The following ACIN1 variants were observed in gnomAD, a reference collection of about 807,000 sequenced individuals.
ACIN1 encodes apoptotic chromatin condensation inducer 1.
In ACIN1, 16 loss-of-function variants were observed where a neutral mutation model predicts 146.6. The ratio of observed to expected loss-of-function variants is 0.11; its 90% CI spans 0.07 to 0.17. ACIN1 has a LOEUF of 0.17. Ranked by LOEUF, ACIN1 falls within the 10% of genes least tolerant of loss-of-function variation. The pLI is 1.00. For missense variants in ACIN1, 1,357 were observed against 1,609.3 expected (o/e 0.84, Z 2.68); for synonymous variants, 569 against 582.7 (o/e 0.98, Z 0.34).
At chr14:23,062,903 T>C in intron 14 of ACIN1, 26 bp downstream of exon 14, 1 of 1,588,574 alleles carries the variant, frequency 6.3e-7, no homozygotes, top group Non-Finnish European at 8.6e-7. Flanking sequence ...CTAAGCAAGC[T>C]GGGATGGTGA....
chr14:23,079,166 C>T (rs1023484400), intron 6 of ACIN1, 128 bp from the exon 7 acceptor site: 4 of 976,834 alleles, frequency 4.1e-6, no homozygotes, highest in Non-Finnish European at 5.9e-6. Flanking sequence ...TGTTTACTCC[C>T]ATTTTGTCTG....
chr14:23,063,118 CT>C (rs768194226), intron 13 of ACIN1, 44 bp from the exon 14 acceptor site: 2 of 1,552,548 alleles, frequency 1.3e-6, no homozygotes, highest in Non-Finnish European at 1.7e-6. Flanking sequence ...GGAAGCAATA[CT>C]GGCTCTTTTC....
At chr14:23,090,883 A>T (rs1594788464) in intron 2 of ACIN1, among the ~76,000 whole-genome samples, 1 of 152,216 alleles carries the variant, frequency 6.6e-6, no homozygotes, top group African/African-American at 2.4e-5. Context: ...CCAAAGAGTG[A>T]TACTGGTATA....
rs771876496 is a variant in ACIN1, at chr14:23,062,400, A to G, written c.2991+16T>C. On this transcript the variant is annotated intron_variant, in intron 15 of 18. Transcript: ENST00000605057. ...AATATATGCCATGACCTATAGAATCAGCTTCTTCCCCTCACCGTTACAAAG... is the reference window on the plus strand; with the variant it reads ...AATATATGCCATGACCTATAGAATCGGCTTCTTCCCCTCACCGTTACAAAG... 6.2e-7 allele frequency: 1 copy of G among 1,613,042 alleles called. No homozygotes were observed. The highest frequency in any genetic ancestry group is 8.5e-7 in the Non-Finnish European group (1 of 1,179,032).
chr14:23,092,895 C>T (rs2048264757), intron 2 of ACIN1, among the ~76,000 whole-genome samples: 1 of 152,146 alleles, frequency 6.6e-6, no homozygotes, highest in South Asian at 2.1e-4. Context: ...GTTATAAACC[C>T]ATGGGTTTAG....
intron 8 of ACIN1, among the ~76,000 whole-genome samples, chr14:23,076,848 G>A (rs1038420636): frequency 7.5e-5 from 11 of 146,412 alleles, no homozygotes; most frequent in Non-Finnish European, 5.9e-5. Context: ...TTTCCTCATC[G>A]ATGATGTAGC....
chr14:23,059,508 G>A (rs771609384), intron 18 of ACIN1, 34 bp from the exon 19 acceptor site: 12 of 1,564,426 alleles, frequency 7.7e-6, no homozygotes, highest in Non-Finnish European at 1.1e-5. Context: ...AGAATAGGCA[G>A]CTCAGTCCTG....
In ACIN1 at chr14:23,080,229, G is replaced by T; in HGVS notation, c.1106C>A (p.Pro369Gln). Residue 369 changes from proline to glutamine, a missense_variant, in exon 6 of 19, where the codon CCA (proline) becomes CAA (glutamine). This residue lies in a region of ACIN1 where 771 missense variants were observed against 746.6 expected (regional missense o/e 1.03). Transcript: ENST00000605057. ...TTCGCTATGGAGCTGTGGATGAGGT[G>T]GTGGAGAAGATGCTTCCTTTGTTAG... ...PLLTKEASSP[P>Q]PHPQLHSEEE... 2.5e-6 allele frequency: 4 copies of T among 1,614,180 alleles called. No individual in the cohort carries two copies. Among genetic ancestry groups the T allele is most frequent in the Non-Finnish European group, 3.4e-6 (4 of 1,180,024 alleles).
chr14:23,066,262 C>T (rs550387654), intron 9 of ACIN1: 4 of 405,042 alleles, frequency 9.9e-6, no homozygotes, highest in African/African-American at 2.1e-5. Flanking sequence ...TCATCTACTC[C>T]GTATCACACC....
intron 16 of ACIN1, among the ~76,000 whole-genome samples, chr14:23,061,830 C>A (rs185573798): frequency 6.6e-6 from 1 of 151,880 alleles, no homozygotes; most frequent in Admixed American, 6.6e-5. Flanking sequence ...AAAAATTAGC[C>A]GGGCGTGGTG....
At chr14:23,090,732 G>C (rs2048207789) in intron 2 of ACIN1, 99 bp from the exon 3 acceptor site, 1 of 817,442 alleles carries the variant, frequency 1.2e-6, no homozygotes. Context: ...TTATAGTTGC[G>C]CCCAAGAAAG....
At chr14:23,069,050 T>G (rs549617621) in intron 9 of ACIN1, 45 of 987,726 alleles carry the variant, frequency 4.6e-5, no homozygotes, top group Non-Finnish European at 5.2e-5. Context: ...CAAAAATTTC[T>G]CAGCATGGCT....
At chr14:23,086,048 G>A (rs1227220469) in intron 4 of ACIN1, among the ~76,000 whole-genome samples, 1 of 152,208 alleles carries the variant, frequency 6.6e-6, no homozygotes, top group Non-Finnish European at 1.5e-5. Flanking sequence ...AGGATTTGTG[G>A]GACCAAAGTA....
chr14:23,095,215 C>G (rs1361132983), upstream of ACIN1: 3 of 1,613,982 alleles, frequency 1.9e-6, no homozygotes, highest in African/African-American at 1.3e-5. Context: ...CACTGCCATA[C>G]TCTACCCCTC....
chr14:23,094,830 A>G, intron 1 of ACIN1, 145 bp downstream of exon 1: 1 of 1,245,510 alleles, frequency 8.0e-7, no homozygotes, highest in South Asian at 1.5e-5. Context: ...AACCTCATCA[A>G]CCACCGTGCG....
chr14:23,075,528 G>T (rs2047776769), intron 8 of ACIN1, among the ~76,000 whole-genome samples: 1 of 151,548 alleles, frequency 6.6e-6, no homozygotes. Context: ...GGCACAATCA[G>T]AATCAGAATG....
In ACIN1 at chr14:23,063,582, C is replaced by G; in HGVS notation, c.2596-5G>C. On this transcript the variant is annotated splice_polypyrimidine_tract_variant and splice_region_variant and intron_variant, in intron 12 of 18. Transcript: ENST00000605057. ...CTGGCCCTCTGCAGGTACTACCTATCAAGGTGTCAGAGAACACAGCAGGTC... is the reference window on the plus strand; with the variant it reads ...CTGGCCCTCTGCAGGTACTACCTATGAAGGTGTCAGAGAACACAGCAGGTC... 6.2e-7 allele frequency: 1 copy of G among 1,614,074 alleles called. No individual in the cohort carries two copies.
intron 4 of ACIN1, among the ~76,000 whole-genome samples, chr14:23,085,265 G>A (rs2048060253): frequency 6.6e-6 from 1 of 152,170 alleles, no homozygotes; most frequent in African/African-American, 2.4e-5. Context: ...AACCTGGAAG[G>A]CAGAGCTTGC....
rs2139994543 is a variant in ACIN1 at position 23,061,474 on chromosome 14, G to A, written c.3248C>T (p.Ala1083Val). ...CCGTTCTGCCCACTGTTCCCGCACT[G>A]CCCGTTCCTGCTCCCGCTGCTCTGC... ...PRAEQREQER[A>V]VREQWAERER... Residue 1083 changes from alanine to valine, a missense_variant, in exon 17 of 19, where the codon GCA (alanine) becomes GTA (valine). Physicochemically the swap from Ala to Val is moderately conservative, Grantham distance 64. Around this residue, in one of 4 missense-constraint regions of ACIN1, gnomAD observed 509 missense variants for 719.6 expected, o/e 0.71. Transcript: ENST00000605057. The A allele has an allele frequency of 6.9e-7, 1 of 1,444,484 alleles. No homozygotes were observed. The highest frequency in any genetic ancestry group is 1.5e-5 in the African/African-American group (1 of 66,446). The allele number at this position is 1,444,484 out of a possible 1,614,324, so 89.5% of individuals were successfully genotyped here. A position where few individuals can be genotyped will look rare whatever the true frequency, so the allele number is the denominator to read the frequency against.
Sources: gnomAD v4.1 joint callset for allele counts (sites outside exome capture counted in the v4.1 genomes callset) on GRCh38, gnomAD v4.1.1 for gene constraint, gnomAD v4.1.1 regional missense constraint, MANE v1.5 for transcripts, NCBI Gene and HGNC (gene_info 2026-07-23, HGNC 2026-07-21) for gene names.